U2AF1: variants seen among roughly 807,000 people sequenced by gnomAD.
U2AF1 encodes U2 small nuclear RNA auxiliary factor 1, also known as splicing factor U2AF 35 kDa subunit.
For missense variants in U2AF1, 4 were observed against 75.9 expected, an observed-to-expected ratio of 0.05 and a Z score of 3.52; for synonymous variants, 8 against 27.2, an observed-to-expected ratio of 0.29 and a Z score of 2.20.
chr21:43,096,226 A>AT (rs763716793), intron 3 of U2AF1: 1 of 8 alleles, frequency 0.12, no homozygotes, highest in Non-Finnish European at 0.12. Context: ...CGCCCGGCTA[A>AT]TTTTTTTTTT....
At position 43,094,803 on chromosome 21, in the gene U2AF1, A is replaced by G. The variant is rs554981578; in HGVS notation, c.349-15T>C. On this transcript the variant is annotated splice_polypyrimidine_tract_variant and intron_variant, in intron 5 of 7. Coordinates refer to ENST00000291552, the MANE Select transcript of U2AF1 (RefSeq NM_006758.3). ...TCACGGCGAAACTGAAAAGACAAAA[A>G]CAGAAGTGCTTGCCATCCACGCTTT... The G allele has an allele frequency of 4.5e-5, 37 of 820,658 alleles. 7 individuals carry two copies. The South Asian group carries it at 6.0e-4, about 13-fold the overall frequency. 50.8% of individuals were successfully genotyped at this position (820,658 alleles called of 1,614,324 possible). A position where few individuals can be genotyped will look rare whatever the true frequency, so the allele number is the denominator to read the frequency against.
At position 43,095,169 on chromosome 21, in the gene U2AF1, C is replaced by T. The variant is rs961264367; in HGVS notation, c.348+269G>A. 4.9e-5 allele frequency: 17 copies of T among 344,582 alleles called. 1 individual carries two copies. Among genetic ancestry groups the T allele is most frequent in the East Asian group, 3.9e-4 (12 of 30,520 alleles). The allele number at this position is 344,582 out of a possible 1,614,324, so 21.3% of individuals were successfully genotyped here. On this transcript the variant is annotated intron_variant, in intron 5 of 7. Coordinates refer to ENST00000291552, the MANE Select transcript of U2AF1 (RefSeq NM_006758.3). Reference sequence around the variant, plus strand: ...CTGAAATAACGATGGCTGTGGTGTACGGTCCGTCCTTCAGTTCTGCTGGCT... The same window carrying T: ...CTGAAATAACGATGGCTGTGGTGTATGGTCCGTCCTTCAGTTCTGCTGGCT...
rs758962603 is a variant in U2AF1 at position 43,094,811 on chromosome 21, G to A, written c.349-23C>T. The A allele has an allele frequency of 1.1e-5, 10 of 876,608 alleles. 1 individual carries two copies. Among genetic ancestry groups the A allele is most frequent in the East Asian group, 2.4e-5 (1 of 40,822 alleles). 54.3% of individuals were successfully genotyped at this position (876,608 alleles called of 1,614,324 possible). ...AAACTGAAAAGACAAAAACAGAAGT[G>A]CTTGCCATCCACGCTTTAATAAGAC... On this transcript the variant is annotated intron_variant, in intron 5 of 7. Transcript: ENST00000291552.
rs2146453855 is a variant in U2AF1 at position 43,094,696 on chromosome 21, C to T, written c.441G>A (p.Val147=). The part of the protein sequence containing the change: ...GQPIHAELSP[V]TDFREACCRQ... ...GGCAGCAGGCTTCTCTGAAGTCCGT[C>T]ACGGGTGACAGCTCGGCGTGGATCG... The change falls in exon 6 of 8, where the codon GTG becomes GTA. Residue 147 remains valine (V), a synonymous_variant. Coordinates refer to ENST00000291552, the MANE Select transcript of U2AF1 (RefSeq NM_006758.3). 1 of 523,818 alleles carries T rather than the reference C, an allele frequency of 1.9e-6. No individual in the cohort carries two copies. Among genetic ancestry groups the T allele is most frequent in the Non-Finnish European group, 3.3e-6 (1 of 304,766 alleles). The allele number at this position is 523,818 out of a possible 1,614,324, so 32.4% of individuals were successfully genotyped here. A position where few individuals can be genotyped will look rare whatever the true frequency, so the allele number is the denominator to read the frequency against.
chr21:43,095,424 G>C lies in U2AF1; in HGVS notation c.348+14C>G. The C allele has an allele frequency of 6.5e-6, 6 of 919,584 alleles. No individual in the cohort carries two copies. Among genetic ancestry groups the C allele is most frequent in the Non-Finnish European group, 9.7e-6 (6 of 616,100 alleles). The allele number at this position is 919,584 out of a possible 1,614,324, so 57.0% of individuals were successfully genotyped here. On this transcript the variant is annotated intron_variant, in intron 5 of 7. Coordinates refer to ENST00000291552, the MANE Select transcript of U2AF1 (RefSeq NM_006758.3). The stretch of plus-strand genomic sequence containing the variant: ...CACTAAGCGGCCACGCCGCCGTCTC[G>C]CCCTGGCTCCTACCTTGACGTACAC...
At position 43,097,617 on chromosome 21, in the gene U2AF1, T is replaced by G. The variant is rs1218001258; in HGVS notation, c.200-1874A>C. The G allele has an allele frequency of 4.5e-5, 4 of 89,620 alleles. 1 individual carries two copies. The East Asian group carries it at 9.0e-4, about 20-fold the overall frequency. 5.6% of individuals were successfully genotyped at this position (89,620 alleles called of 1,614,324 possible). On this transcript the variant is annotated intron_variant, in intron 3 of 7. Coordinates refer to ENST00000291552, the MANE Select transcript of U2AF1 (RefSeq NM_006758.3). Reference sequence around the variant, plus strand: ...TCTTTGAGCTTGCTCAAAACTCTTTTTATCTTTTTTTTTTTTTTTTTTGAG... The same window carrying G: ...TCTTTGAGCTTGCTCAAAACTCTTTGTATCTTTTTTTTTTTTTTTTTTGAG...
rs1245832918 is a variant in U2AF1 at position 43,097,716 on chromosome 21, G to A, written c.200-1973C>T. 15 of 99,588 alleles carry A rather than the reference G, an allele frequency of 1.5e-4. 5 individuals carry two copies. The highest frequency in any genetic ancestry group is 1.1e-3 in the South Asian group (4 of 3,516). 6.2% of individuals were successfully genotyped at this position (99,588 alleles called of 1,614,324 possible). On this transcript the variant is annotated intron_variant, in intron 3 of 7. Transcript: ENST00000291552. The stretch of plus-strand genomic sequence containing the variant: ...TAATTTTTGTAGTTTTAGTAGAGAC[G>A]GGGTTCCACCATGTTGGCCAGGATG...
In U2AF1 at chr21:43,095,334, T is replaced by C. The variant is rs115631940; in HGVS notation, c.348+104A>G. On this transcript the variant is annotated intron_variant, in intron 5 of 7. Transcript: ENST00000291552. ...CAGGCACCCCATCCTCTGTCGGCCT[T>C]GGCCCCGGCACACTAAGCGGCTGCA... The C allele has an allele frequency of 3.0e-3, 1,468 of 487,858 alleles. 373 individuals are homozygous for C. The African/African-American group carries it at 0.038, about 13-fold the overall frequency. 30.2% of individuals were successfully genotyped at this position (487,858 alleles called of 1,614,324 possible).
chr21:43,106,981 G>A (rs575950588), intron 1 of U2AF1, among the ~76,000 whole-genome samples: 1 of 49,846 alleles, frequency 2.0e-5, no homozygotes, highest in East Asian at 3.1e-4. Context: ...CAACGCTTAG[G>A]ACCCTAAGTT....
intron 3 of U2AF1, chr21:43,097,775 T>A (rs1387202085): frequency 9.2e-6 from 1 of 108,802 alleles, no homozygotes; most frequent in East Asian, 2.0e-4. Flanking sequence ...TCCACTTGCC[T>A]CGGCTTTCCA....
In U2AF1 at chr21:43,095,279, G is replaced by A. The variant is rs1444677488; in HGVS notation, c.348+159C>T. On this transcript the variant is annotated intron_variant, in intron 5 of 7. Coordinates refer to ENST00000291552, the MANE Select transcript of U2AF1 (RefSeq NM_006758.3). ...TGCACCTGAGCCCTGCTGTGCGCCT[G>A]AGCATCCAGGATCTCAAGGTGCATG... 4.4e-6 allele frequency: 2 copies of A among 453,866 alleles called. 1 individual carries two copies. Among genetic ancestry groups the A allele is most frequent in the Non-Finnish European group, 7.9e-6 (2 of 254,118 alleles). 28.1% of individuals were successfully genotyped at this position (453,866 alleles called of 1,614,324 possible).
chr21:43,094,393 A>ATTTTTTTTTTT, intron 7 of U2AF1, 78 bp downstream of exon 7: 1 of 634,130 alleles, frequency 1.6e-6, no homozygotes, highest in Non-Finnish European at 2.7e-6. Context: ...CTATGCCAAA[A>ATTTTTTTTTTT]TTTTTTTTTT....
chr21:43,107,211 G>A (rs374466073), intron 1 of U2AF1, among the ~76,000 whole-genome samples: 2 of 112,754 alleles, frequency 1.8e-5, no homozygotes, highest in South Asian at 4.9e-4. Flanking sequence ...GCTCGGCCGC[G>A]GCGCCCCGAA....
rs1186955838 is a variant in U2AF1, at chr21:43,105,142, C to T, written c.45-740G>A. 2 of 105,456 alleles carry T rather than the reference C, an allele frequency of 1.9e-5. 1 individual carries two copies. The highest frequency in any genetic ancestry group is 3.9e-5 in the Non-Finnish European group (2 of 51,126). 6.5% of individuals were successfully genotyped at this position (105,456 alleles called of 1,614,324 possible). A position where few individuals can be genotyped will look rare whatever the true frequency, so the allele number is the denominator to read the frequency against. ...CTTAGGAACCACCTTACGTCACCTT[C>T]TGTCTCTACTGCAAAACCCTCCCTT... On this transcript the variant is annotated intron_variant, in intron 1 of 7. Transcript: ENST00000291552.
At chr21:43,099,924 G>GC (rs1555879577) in intron 3 of U2AF1, 1 of 72,680 alleles carries the variant, frequency 1.4e-5, no homozygotes, top group South Asian at 3.4e-4. Context: ...GCTCCAGACT[G>GC]TTTTTTTTTT....
intron 3 of U2AF1, chr21:43,100,211 C>T (rs1310676418): frequency 1.2e-4 from 1 of 8,052 alleles, no homozygotes; most frequent in Non-Finnish European, 2.4e-4. Flanking sequence ...CGTGAGCCAC[C>T]GCGCCCGGCC....
rs755661287 is a variant in U2AF1, at chr21:43,095,582, G to A, written c.250-46C>T. 6.9e-6 allele frequency: 7 copies of A among 1,018,416 alleles called. No individual in the cohort carries two copies. The South Asian group carries it at 8.0e-5, about 12-fold the overall frequency. 63.1% of individuals were successfully genotyped at this position (1,018,416 alleles called of 1,614,324 possible). A position where few individuals can be genotyped will look rare whatever the true frequency, so the allele number is the denominator to read the frequency against. ...TTTAAGACTCGTTATACATTACAAA[G>A]TGTCATTAGATATAACTCATGTATG... On this transcript the variant is annotated intron_variant, in intron 4 of 7. Transcript: ENST00000291552.
Position 43,094,491 on chromosome 21 carries a change from C to T in U2AF1, c.555G>A (p.Leu185=), listed in dbSNP as rs61737060. The change falls in exon 7 of 8, where the codon CTG becomes CTA. Residue 185 remains leucine, a synonymous_variant. Transcript: ENST00000291552. ...CTCACTTCTTGCGACGGCGGCCATACAGCTCCCGCCGCAGCTCTCTGGAAA... is the reference window on the plus strand; with the variant it reads ...CTCACTTCTTGCGACGGCGGCCATATAGCTCCCGCCGCAGCTCTCTGGAAA... ...KPISRELRRE[L]YGRRRKKHRS... 2.4e-3 allele frequency: 1,179 copies of T among 485,008 alleles called. 160 individuals carry two copies. In the African/African-American group the frequency reaches 0.035, roughly 14 times the overall value. The allele number at this position is 485,008 out of a possible 1,614,324, so 30.0% of individuals were successfully genotyped here.
Position 43,107,501 on chromosome 21 carries a change from CCCGCCG to C in U2AF1, c.-13_-8del. 2.4e-6 allele frequency: 2 copies of C among 839,734 alleles called. No homozygotes were observed. The highest frequency in any genetic ancestry group is 3.4e-6 in the Non-Finnish European group (2 of 595,134). The allele number at this position is 839,734 out of a possible 1,614,324, so 52.0% of individuals were successfully genotyped here. Reference sequence around the variant, plus strand: ...AGGCCAGATACTCCGCCATTTCCCACCCGCCGCCGCCGCTGCCGTCGACACTGCTGC... The same window carrying C: ...AGGCCAGATACTCCGCCATTTCCCACCCGCCGCTGCCGTCGACACTGCTGC... On this transcript the variant is annotated 5_prime_UTR_variant, in exon 1 of 8. Coordinates refer to ENST00000291552, the MANE Select transcript of U2AF1 (RefSeq NM_006758.3).
Sources: gnomAD v4.1 joint callset for allele counts (sites outside exome capture counted in the v4.1 genomes callset) on GRCh38, gnomAD v4.1.1 for gene constraint, MANE v1.5 for transcripts, NCBI Gene and HGNC (gene_info 2026-07-23, HGNC 2026-07-21) for gene names.